Variants in GALM observed in about 807,000 individuals in gnomAD.
The protein encoded by GALM is aldose 1-epimerase.
Under a neutral mutation model 37.4 loss-of-function variants are expected in GALM, and 43 were observed. The observed-to-expected ratio is 1.15, with a 90% CI of 0.90 to 1.48. GALM has a LOEUF of 1.48. Among genes scored for constraint, GALM ranks in the 40% most tolerant of loss-of-function variants. The pLI, the probability that GALM is intolerant of heterozygous loss-of-function variation, is 0.00. For missense variants in GALM, 456 were observed against 419.1 expected (o/e 1.09, Z -0.77); for synonymous variants, 199 against 170.6 (o/e 1.17, Z -1.30).
At chr2:38,687,187 T>A (rs575041638) in intron 3 of GALM, among the ~76,000 whole-genome samples, 1 of 152,198 alleles carries the variant, frequency 6.6e-6, no homozygotes, top group Non-Finnish European at 1.5e-5. Flanking sequence ...GGCACCACCC[T>A]GAGGCATGCG....
chr2:38,725,431 G>A (rs1044896703), intron 4 of GALM, among the ~76,000 whole-genome samples: 1 of 152,098 alleles, frequency 6.6e-6, no homozygotes, highest in Non-Finnish European at 1.5e-5. Context: ...AGCTACTCAG[G>A]AAGCTGAGAC....
intron 4 of GALM, among the ~76,000 whole-genome samples, chr2:38,696,892 C>G (rs1233157164): frequency 2.1e-5 from 3 of 145,436 alleles, no homozygotes; most frequent in African/African-American, 7.7e-5. Flanking sequence ...CATGTTCAAG[C>G]AATCCTCCCG....
At chr2:38,711,886 TTAAG>T (rs879649381) in intron 4 of GALM, among the ~76,000 whole-genome samples, 72 of 20,770 alleles carry the variant, frequency 3.5e-3, no homozygotes, top group Middle Eastern at 0.048. Flanking sequence ...CATCACTATC[TTAAG>T]TAAGTGCTTT....
At chr2:38,687,940 A>T (rs568649308) in intron 3 of GALM, among the ~76,000 whole-genome samples, 1 of 151,744 alleles carries the variant, frequency 6.6e-6, no homozygotes, top group African/African-American at 2.4e-5. Context: ...GGCCGGGCAC[A>T]GTGCCTCACA....
chr2:38,672,360 C>T (rs1039578951), intron 1 of GALM, among the ~76,000 whole-genome samples: 1 of 152,134 alleles, frequency 6.6e-6, no homozygotes, highest in African/African-American at 2.4e-5. Context: ...GAAACAAAAC[C>T]AAGGAAAGAT....
chr2:38,680,316 C>T (rs191896780), intron 2 of GALM, among the ~76,000 whole-genome samples: 43 of 152,212 alleles, frequency 2.8e-4, no homozygotes, highest in Admixed American at 2.1e-3. Flanking sequence ...GCTATTGCAC[C>T]TGACCACAAA....
intron 4 of GALM, among the ~76,000 whole-genome samples, chr2:38,718,521 GA>G (rs1666314184): frequency 6.6e-6 from 1 of 151,838 alleles, no homozygotes; most frequent in African/African-American, 2.4e-5. Flanking sequence ...TTTTAGGGGA[GA>G]AAAAATTATT....
At chr2:38,691,129 C>A (rs1176025450) in intron 4 of GALM, among the ~76,000 whole-genome samples, 1 of 152,160 alleles carries the variant, frequency 6.6e-6, no homozygotes, top group Non-Finnish European at 1.5e-5. Context: ...ATAGTGGTGG[C>A]TGCTGTTTTG....
Position 38,731,757 on chromosome 2 carries a change from C to G in GALM, c.799C>G (p.Arg267Gly), listed in dbSNP as rs1229797646. Residue 267 changes from arginine to glycine, a missense_variant, in exon 6 of 7, where the codon CGG (arginine) becomes GGG (glycine). Physicochemically the swap from Arg to Gly is moderately radical, Grantham distance 125 (BLOSUM62 -2). Transcript: ENST00000272252. ...CAGGGTGCATCATGCTGCAAGCGGGCGGGTACTAGAAGTATACACCACCCA... is the reference window on the plus strand; with the variant it reads ...CAGGGTGCATCATGCTGCAAGCGGGGGGGTACTAGAAGTATACACCACCCA... ...CARVHHAASG[R>G]VLEVYTTQPG... is the part of the protein sequence containing the mutation. 3.1e-6 allele frequency: 5 copies of G among 1,613,700 alleles called. No individual in the cohort carries two copies. The East Asian group carries it at 1.1e-4, about 36-fold the overall frequency.
intron 4 of GALM, among the ~76,000 whole-genome samples, chr2:38,709,566 A>C (rs955477407): frequency 1.4e-4 from 22 of 152,108 alleles, no homozygotes; most frequent in African/African-American, 5.1e-4. Context: ...AAAAAAAAAA[A>C]ACATAAGACA....
intron 4 of GALM, among the ~76,000 whole-genome samples, chr2:38,704,206 T>TA (rs1010271971): frequency 6.2e-5 from 9 of 146,264 alleles, no homozygotes; most frequent in South Asian, 2.1e-4. Flanking sequence ...ATTTTATTAT[T>TA]TTTTTTTTTA....
chr2:38,712,233 T>G (rs1666186307), intron 4 of GALM, among the ~76,000 whole-genome samples: 1 of 152,138 alleles, frequency 6.6e-6, no homozygotes, highest in South Asian at 2.1e-4. Flanking sequence ...GTGAGAAAAA[T>G]ATGTATCTTC....
intron 3 of GALM, among the ~76,000 whole-genome samples, chr2:38,685,293 G>A (rs1042674472): frequency 4.6e-5 from 7 of 152,104 alleles, no homozygotes; most frequent in Non-Finnish European, 1.0e-4. Context: ...TGAATATCTG[G>A]TCTAGCATAG....
At chr2:38,666,608 C>G (rs1352092183) in intron 1 of GALM, among the ~76,000 whole-genome samples, 1 of 152,250 alleles carries the variant, frequency 6.6e-6, no homozygotes, top group Non-Finnish European at 1.5e-5. Flanking sequence ...AAAAGGTCAG[C>G]TGATGGTATG....
In GALM at chr2:38,731,828, A is replaced by G; in HGVS notation, c.870A>G (p.Leu290=). 6.2e-7 allele frequency: 1 copy of G among 1,614,062 alleles called. No homozygotes were observed. The highest frequency in any genetic ancestry group is 1.1e-5 in the South Asian group (1 of 91,084). ...CGGGCAACTTCCTGGATGGCACATT[A>G]AAGGGCAAGAATGGAGCTGTCTATC... ...FYTGNFLDGT[L]KGKNGAVYPK... Residue 290 remains leucine, a synonymous_variant, in exon 6 of 7, where the codon TTA becomes TTG. Coordinates refer to ENST00000272252, the MANE Select transcript of GALM (RefSeq NM_138801.3).
At chr2:38,702,372 A>C (rs1418184499) in intron 4 of GALM, among the ~76,000 whole-genome samples, 12 of 152,152 alleles carry the variant, frequency 7.9e-5, no homozygotes, top group African/African-American at 2.7e-4. Context: ...AAAAAAATTG[A>C]ACATTTCACT....
chr2:38,672,861 T>G (rs1055264446), intron 1 of GALM, among the ~76,000 whole-genome samples: 1 of 151,536 alleles, frequency 6.6e-6, no homozygotes, highest in African/African-American at 2.4e-5. Context: ...AAAAAAAAAT[T>G]TAGCTGGGCT....
chr2:38,716,816 C>T (rs1558593753), intron 4 of GALM, among the ~76,000 whole-genome samples: 1 of 152,108 alleles, frequency 6.6e-6, no homozygotes, highest in Non-Finnish European at 1.5e-5. Flanking sequence ...TGAATAGCCA[C>T]TGCACTGCAG....
At chr2:38,688,582 G>T (rs192848185) in intron 3 of GALM, among the ~76,000 whole-genome samples, 1 of 151,902 alleles carries the variant, frequency 6.6e-6, no homozygotes, top group East Asian at 1.9e-4. Flanking sequence ...AGAACCACTA[G>T]TTTAGCTCAT....
Sources: gnomAD v4.1 joint callset for allele counts (sites outside exome capture counted in the v4.1 genomes callset) on GRCh38, gnomAD v4.1.1 for gene constraint, MANE v1.5 for transcripts, NCBI Gene and HGNC (gene_info 2026-07-23, HGNC 2026-07-21) for gene names.